The following CCDC81 variants were observed in gnomAD, a reference collection of about 807,000 sequenced individuals.
CCDC81 encodes coiled-coil domain-containing protein 81.
CCDC81 carries 79 observed loss-of-function variants against 83.7 expected under a neutral mutation model. The ratio of observed to expected loss-of-function variants is 0.94; its 90% CI spans 0.79 to 1.14. The LOEUF (loss-of-function observed/expected upper bound fraction) is 1.14. Ranked by LOEUF, CCDC81 falls within the 50% of genes most tolerant of loss-of-function variation. CCDC81 has a pLI of 0.00. For missense variants in CCDC81, 791 were observed against 778.1 expected (o/e 1.02, Z -0.20); for synonymous variants, 252 against 278.1 (o/e 0.91, Z 0.93).
At chr11:86,400,880 A>G in intron 7 of CCDC81, 79 bp downstream of exon 7, 1 of 1,379,806 alleles carries the variant, frequency 7.2e-7, no homozygotes, top group Non-Finnish European at 9.9e-7. Flanking sequence ...GGGAACTGTA[A>G]TTGTTCATTA....
At chr11:86,420,132 T>C (rs1024242910) in intron 14 of CCDC81, 79 bp downstream of exon 14, 12 of 1,502,310 alleles carry the variant, frequency 8.0e-6, no homozygotes, top group Non-Finnish European at 1.1e-5. Flanking sequence ...TCCACTTGAT[T>C]AGCAGTGGCT....
rs74655012 is a variant in CCDC81, at chr11:86,409,402, C to A, written c.1218+37C>A. The A allele has an allele frequency of 1.4e-4, 145 of 1,060,684 alleles. No individual in the cohort carries two copies. The African/African-American group carries it at 2.2e-3, about 16-fold the overall frequency. 65.7% of individuals were successfully genotyped at this position (1,060,684 alleles called of 1,614,324 possible). ...AAAAATTTCTGTTGCTAACACCTGGCCCATCTGTGAGCCTTTGGATCCACT... is the reference window on the plus strand; with the variant it reads ...AAAAATTTCTGTTGCTAACACCTGGACCATCTGTGAGCCTTTGGATCCACT... On this transcript the variant is annotated intron_variant, in intron 10 of 14. Coordinates refer to ENST00000445632, the MANE Select transcript of CCDC81 (RefSeq NM_001156474.2).
At chr11:86,421,995 A>G (rs149507551) in intron 14 of CCDC81, among the ~76,000 whole-genome samples, 2,059 of 151,982 alleles carry the variant, frequency 0.014, 20 homozygotes, top group Middle Eastern at 0.031. Flanking sequence ...AACGAAGAAA[A>G]ACCATCAAAG....
At chr11:86,404,060 A>G (rs1476119560) in intron 7 of CCDC81, among the ~76,000 whole-genome samples, 1 of 152,158 alleles carries the variant, frequency 6.6e-6, no homozygotes, top group Non-Finnish European at 1.5e-5. Flanking sequence ...TTTCACTCCG[A>G]GTTAGAGGAT....
At chr11:86,379,997 A>G (rs1449897757) in intron 1 of CCDC81, among the ~76,000 whole-genome samples, 6 of 151,912 alleles carry the variant, frequency 3.9e-5, no homozygotes. Flanking sequence ...AAGAAAAAAA[A>G]AGTTTTTATT....
chr11:86,387,575 A>C lies in CCDC81; in HGVS notation c.201A>C (p.Gly67=). 6.2e-7 allele frequency: 1 copy of C among 1,613,862 alleles called. No individual in the cohort carries two copies. The highest frequency in any genetic ancestry group is 1.1e-5 in the South Asian group (1 of 91,074). ...TCATAAGACAAAAGCTTGAGGTGGGAAACAACAAATTTATCTTAATCCAGA... is the reference window on the plus strand; with the variant it reads ...TCATAAGACAAAAGCTTGAGGTGGGCAACAACAAATTTATCTTAATCCAGA... ...FTFIRQKLEV[G]NNKFILIQRP... is the part of the protein sequence containing the mutation. The change falls in exon 3 of 15, where the codon GGA becomes GGC. Residue 67 remains glycine, a synonymous_variant. Transcript: ENST00000445632.
chr11:86,412,229 G>C lies in CCDC81; in HGVS notation c.1219-158G>C, dbSNP rs1011398753. ...GCTTCATCCTTGAACACACTCATAT[G>C]ATTCTATGTGTTACCTCAACACCAG... On this transcript the variant is annotated intron_variant, in intron 10 of 14. Coordinates refer to ENST00000445632, the MANE Select transcript of CCDC81 (RefSeq NM_001156474.2). 2.6e-5 allele frequency among the ~76,000 whole-genome samples: 4 copies of C among 152,202 alleles called. No individual in the cohort carries two copies. The East Asian group carries it at 5.8e-4, about 22-fold the overall frequency.
At chr11:86,376,267 T>A (rs544364195) in intron 1 of CCDC81, among the ~76,000 whole-genome samples, 1 of 152,318 alleles carries the variant, frequency 6.6e-6, no homozygotes, top group African/African-American at 2.4e-5. Flanking sequence ...TTTTTAAAGA[T>A]GATTTTTTAG....
At chr11:86,410,848 G>A (rs1477740652) in intron 10 of CCDC81, among the ~76,000 whole-genome samples, 2 of 151,992 alleles carry the variant, frequency 1.3e-5, no homozygotes, top group African/African-American at 2.4e-5. Flanking sequence ...CCTGACTTCC[G>A]ATCATTTGCA....
intron 3 of CCDC81, among the ~76,000 whole-genome samples, chr11:86,389,853 C>T (rs1035348587): frequency 1.5e-4 from 23 of 152,162 alleles, no homozygotes; most frequent in African/African-American, 4.8e-4. Context: ...TGCCTGTAAT[C>T]CCAGCACTTT....
rs151156877 is a variant in CCDC81 at position 86,387,944 on chromosome 11, T to C, written c.298+272T>C. ...TTATGTAAAAGCCACACCACAGAGC[T>C]GTAAGCCCTTTATTTCAGATCCTAA... is the stretch of plus-strand genomic sequence containing the variant. On this transcript the variant is annotated intron_variant, in intron 3 of 14. Coordinates refer to ENST00000445632, the MANE Select transcript of CCDC81 (RefSeq NM_001156474.2). Among the ~76,000 whole-genome samples the C allele has an allele frequency of 6.9e-3, 1,052 of 152,316 alleles. 17 individuals carry two copies. Among genetic ancestry groups the C allele is most frequent in the African/African-American group, 0.024 (993 of 41,564 alleles).
intron 8 of CCDC81, 44 bp downstream of exon 8, chr11:86,407,745 T>C: frequency 6.9e-7 from 1 of 1,440,994 alleles, no homozygotes; most frequent in Non-Finnish European, 9.7e-7. Flanking sequence ...AATCTTATAC[T>C]GATTTTTGTT....
intron 7 of CCDC81, among the ~76,000 whole-genome samples, chr11:86,407,199 G>A (rs1263125951): frequency 6.6e-6 from 1 of 152,200 alleles, no homozygotes; most frequent in Non-Finnish European, 1.5e-5. Context: ...TCACTGGGCT[G>A]TCTATCCCCA....
chr11:86,400,891 A>G, intron 7 of CCDC81, 90 bp downstream of exon 7: 1 of 1,339,108 alleles, frequency 7.5e-7, no homozygotes. Flanking sequence ...TTGTTCATTA[A>G]TTCATTTATC....
Position 86,408,139 on chromosome 11 carries a change from G to A in CCDC81, c.982G>A (p.Val328Ile), listed in dbSNP as rs1948587665. The change falls in exon 9 of 15, where the codon GTA (valine) becomes ATA (isoleucine). Residue 328 changes from valine to isoleucine, a missense_variant. By Grantham distance (29) the Val-to-Ile change is conservative. Transcript: ENST00000445632. ...TTTGGGATTGTAGGAAATGTGCTAT[G>A]TATGTTTGCAACGAGCACAACGAAA... ...HNKAGQEMCY[V>I]CLQRAQRNSL... 1.9e-6 allele frequency: 3 copies of A among 1,612,056 alleles called. No homozygotes were observed. Among genetic ancestry groups the A allele is most frequent in the African/African-American group, 2.7e-5 (2 of 74,940 alleles).
intron 5 of CCDC81, among the ~76,000 whole-genome samples, chr11:86,396,451 T>A (rs1326328659): frequency 6.6e-6 from 1 of 152,120 alleles, no homozygotes; most frequent in African/African-American, 2.4e-5. Context: ...GCATTTCAGG[T>A]GGAGGAAGTT....
In CCDC81 at chr11:86,392,721, AAGTG is replaced by A. The variant is rs1335382319; in HGVS notation, c.481_484del (p.Val161ArgfsTer2). 5 of 1,551,556 alleles carry A rather than the reference AAGTG, an allele frequency of 3.2e-6. No individual in the cohort carries two copies. The highest frequency in any genetic ancestry group is 1.4e-5 in the African/African-American group (1 of 73,050). The stretch of plus-strand genomic sequence containing the variant: ...GGGGTCCTCATGATCAGAGACAGCA[AAGTG>A]AAGATGAGGTTTTATAAAGACTTCC... On this transcript the variant is annotated frameshift_variant, in exon 4 of 15. Coordinates refer to ENST00000445632, the MANE Select transcript of CCDC81 (RefSeq NM_001156474.2). LOFTEE classifies it high-confidence loss of function.
At position 86,392,648 on chromosome 11, in the gene CCDC81, C is replaced by T. The variant is rs1379158275; in HGVS notation, c.406C>T (p.Arg136Cys). Residue 136 changes from arginine to cysteine, a missense_variant, in exon 4 of 15, where the codon CGT becomes TGT. By Grantham distance (180) the Arg-to-Cys change is radical. Transcript: ENST00000445632. ...CVKETLLFLSRSISMKQNVEF... is the reference protein window; with the variant it reads ...CVKETLLFLSCSISMKQNVEF... ...GAAGGAGACGTTGCTTTTTTTATCGCGTTCCATTTCCATGAAACAAAATGT... is the reference window on the plus strand; with the variant it reads ...GAAGGAGACGTTGCTTTTTTTATCGTGTTCCATTTCCATGAAACAAAATGT... 3.9e-6 allele frequency: 6 copies of T among 1,551,508 alleles called. No homozygotes were observed. Among genetic ancestry groups the T allele is most frequent in the Admixed American group, 3.9e-5 (2 of 50,976 alleles).
chr11:86,382,862 A>T (rs1948192992), intron 1 of CCDC81, among the ~76,000 whole-genome samples: 1 of 152,156 alleles, frequency 6.6e-6, no homozygotes, highest in Non-Finnish European at 1.5e-5. Flanking sequence ...ACGGGGAGGG[A>T]GTGATCAATA....
Sources: gnomAD v4.1 joint callset for allele counts (sites outside exome capture counted in the v4.1 genomes callset) on GRCh38, gnomAD v4.1.1 for gene constraint, MANE v1.5 for transcripts, NCBI Gene and HGNC (gene_info 2026-07-23, HGNC 2026-07-21) for gene names.